ADAMTS17: variants seen among roughly 807,000 people sequenced by gnomAD.
The protein encoded by ADAMTS17 is A disintegrin and metalloproteinase with thrombospondin motifs 17.
In ADAMTS17, 113 loss-of-function variants were observed where a neutral mutation model predicts 141.5. The ratio of observed to expected loss-of-function variants is 0.80; its 90% CI spans 0.69 to 0.93. The LOEUF (loss-of-function observed/expected upper bound fraction) is 0.93, where lower values mean the gene tolerates loss of function less well. Among genes scored for constraint, ADAMTS17 ranks in the 40% least tolerant of loss-of-function variants. The pLI is 0.00. For synonymous variants in ADAMTS17, 768 were observed against 630.6 expected, an observed-to-expected ratio of 1.22 and a Z score of -3.27; for missense variants, 1,659 against 1,517.9, an observed-to-expected ratio of 1.09 and a Z score of -1.54.
rs929903723 is a variant in ADAMTS17, at chr15:100,102,337, C to T, written c.2017-5861G>A. On this transcript the variant is annotated intron_variant, in intron 14 of 21. Transcript: ENST00000268070. ...AGGGGATCTACATTTGAGGGCCGAC[C>T]GAAGGGGATCTACATTTGAGGGCCA... Among the ~76,000 whole-genome samples, 43 of 135,190 alleles carry T rather than the reference C, an allele frequency of 3.2e-4. 1 individual carries two copies. In the South Asian group the frequency reaches 6.0e-3, roughly 19 times the overall value. 88.7% of individuals were successfully genotyped at this position (135,190 alleles called of 152,430 possible). A position where few individuals can be genotyped will look rare whatever the true frequency, so the allele number is the denominator to read the frequency against.
At chr15:100,222,106 G>C (rs2042152259) in intron 7 of ADAMTS17, among the ~76,000 whole-genome samples, 1 of 152,194 alleles carries the variant, frequency 6.6e-6, no homozygotes, top group African/African-American at 2.4e-5. Flanking sequence ...GCAGGAGCGG[G>C]ATCAGCTGCA....
At chr15:100,290,257 TAAC>T (rs1331830088) in intron 3 of ADAMTS17, among the ~76,000 whole-genome samples, 2 of 151,770 alleles carry the variant, frequency 1.3e-5, no homozygotes, top group African/African-American at 2.4e-5. Flanking sequence ...CCACTAACAA[TAAC>T]AACAACAAAA....
At chr15:100,175,789 G>C (rs1343145021) in intron 8 of ADAMTS17, among the ~76,000 whole-genome samples, 2 of 151,980 alleles carry the variant, frequency 1.3e-5, no homozygotes, top group Non-Finnish European at 2.9e-5. Flanking sequence ...GCCCCCGAGA[G>C]TGCAACGGAG....
chr15:100,155,766 T>G (rs2039405868), intron 8 of ADAMTS17, among the ~76,000 whole-genome samples: 1 of 152,244 alleles, frequency 6.6e-6, no homozygotes, highest in Admixed American at 6.5e-5. Context: ...CAGAATGATC[T>G]GAATCTAAGC....
chr15:100,056,164 T>A (rs747644565), intron 15 of ADAMTS17, among the ~76,000 whole-genome samples: 33 of 152,230 alleles, frequency 2.2e-4, no homozygotes, highest in Non-Finnish European at 5.9e-5. Flanking sequence ...GAGCTAATAA[T>A]GCAAATACAT....
intron 15 of ADAMTS17, among the ~76,000 whole-genome samples, chr15:100,068,472 C>T (rs1006555618): frequency 2.0e-5 from 3 of 152,188 alleles, no homozygotes; most frequent in African/African-American, 7.2e-5. Flanking sequence ...GGTCCCTGAC[C>T]CCTGAGTAGC....
At chr15:100,057,502 A>C (rs977190520) in intron 15 of ADAMTS17, among the ~76,000 whole-genome samples, 1 of 151,904 alleles carries the variant, frequency 6.6e-6, no homozygotes, top group Non-Finnish European at 1.5e-5. Context: ...CCAGTGACAG[A>C]CTCCAACACG....
intron 13 of ADAMTS17, 131 bp downstream of exon 13, chr15:100,116,716 C>T: frequency 2.3e-6 from 3 of 1,276,756 alleles, no homozygotes; most frequent in South Asian, 2.5e-5. Flanking sequence ...CGCAGCTGAG[C>T]TGGGCAGAGG....
At chr15:100,124,523 C>T (rs534767075) in intron 12 of ADAMTS17, among the ~76,000 whole-genome samples, 484 of 152,312 alleles carry the variant, frequency 3.2e-3, no homozygotes, top group African/African-American at 0.01. Flanking sequence ...ACCCCAGCCA[C>T]GGCAATGGAG....
chr15:100,114,749 G>A (rs1387244566), intron 13 of ADAMTS17, among the ~76,000 whole-genome samples: 4 of 152,180 alleles, frequency 2.6e-5, no homozygotes, highest in Non-Finnish European at 4.4e-5. Context: ...CCCAATCCAA[G>A]TGGCCCCCCA....
In ADAMTS17 at chr15:100,109,006, C is replaced by G. The variant is rs748878355; in HGVS notation, c.1999G>C (p.Val667Leu). Residue 667 changes from valine to leucine, a missense_variant, in exon 14 of 22, where the codon GTG (valine) becomes CTG (leucine). Physicochemically the swap from Val to Leu is conservative, Grantham distance 32. Transcript: ENST00000268070. Reference protein sequence around the residue: ...PCGPYETDLCVHGKCQKIGCD... With the variant: ...PCGPYETDLCLHGKCQKIGCD... Reference sequence around the variant, plus strand: ...TACGTCACCTGGCACTTGCCGTGCACGCAGAGATCAGTCTCGTAGGGCCCG... The same window carrying G: ...TACGTCACCTGGCACTTGCCGTGCAGGCAGAGATCAGTCTCGTAGGGCCCG... 9 of 1,613,960 alleles carry G rather than the reference C, an allele frequency of 5.6e-6. No homozygotes were observed. Among genetic ancestry groups the G allele is most frequent in the African/African-American group, 1.3e-5 (1 of 74,934 alleles).
chr15:100,203,549 C>T (rs2041419968), intron 7 of ADAMTS17, among the ~76,000 whole-genome samples: 1 of 151,968 alleles, frequency 6.6e-6, no homozygotes, highest in Non-Finnish European at 1.5e-5. Flanking sequence ...ACTAAAAATA[C>T]AAAAAATTAG....
chr15:100,321,865 T>A (rs1350734308), intron 3 of ADAMTS17, among the ~76,000 whole-genome samples: 1 of 152,174 alleles, frequency 6.6e-6, no homozygotes, highest in African/African-American at 2.4e-5. Context: ...ACACAACAAT[T>A]AGAAAATATA....
At chr15:100,068,029 C>A (rs1471001428) in intron 15 of ADAMTS17, among the ~76,000 whole-genome samples, 3 of 152,288 alleles carry the variant, frequency 2.0e-5, no homozygotes, top group East Asian at 3.9e-4. Flanking sequence ...CAGATGGCAC[C>A]TGGAAAATCG....
At chr15:100,035,639 G>C (rs746662471) in intron 18 of ADAMTS17, among the ~76,000 whole-genome samples, 11 of 152,124 alleles carry the variant, frequency 7.2e-5, no homozygotes, top group Non-Finnish European at 1.3e-4. Context: ...CCGAGTCTCG[G>C]GGCTAGCTTG....
In ADAMTS17 at chr15:99,997,311, A is replaced by T; in HGVS notation, c.2796+74T>A. 6.4e-7 allele frequency: 1 copy of T among 1,561,774 alleles called. No homozygotes were observed. The highest frequency in any genetic ancestry group is 1.1e-5 in the South Asian group (1 of 89,972). Reference sequence around the variant, plus strand: ...GGGCGAGCGAGGGCTGGGAGGCACCAGAATGTCACCAATACCATGGCACCG... The same window carrying T: ...GGGCGAGCGAGGGCTGGGAGGCACCTGAATGTCACCAATACCATGGCACCG... On this transcript the variant is annotated intron_variant, in intron 19 of 21. Transcript: ENST00000268070. The surrounding 1 kb of genome is among the most constrained non-coding windows in gnomAD (Gnocchi z 4.7).
At chr15:100,220,980 A>C (rs2042115173) in intron 7 of ADAMTS17, among the ~76,000 whole-genome samples, 1 of 152,180 alleles carries the variant, frequency 6.6e-6, no homozygotes. Context: ...TTATTCACGT[A>C]CAAGTTTCTG....
intron 15 of ADAMTS17, among the ~76,000 whole-genome samples, chr15:100,093,154 G>A (rs191114471): frequency 8.5e-5 from 13 of 152,114 alleles, no homozygotes; most frequent in African/African-American, 2.9e-4. Flanking sequence ...GGCGATAAAC[G>A]CCCTACACTC....
At chr15:100,044,195 A>T (rs2031496743) in intron 18 of ADAMTS17, among the ~76,000 whole-genome samples, 1 of 152,116 alleles carries the variant, frequency 6.6e-6, no homozygotes, top group Non-Finnish European at 1.5e-5. Context: ...ATTACCTCTC[A>T]TCTGTCTTTC....
Sources: allele counts gnomAD v4.1 joint callset (sites outside exome capture counted in the v4.1 genomes callset), GRCh38; gene constraint gnomAD v4.1.1; non-coding constraint Gnocchi (gnomAD v3.1); transcripts MANE v1.5; gene names NCBI Gene and HGNC (gene_info 2026-07-23, HGNC 2026-07-21).